PDE4D: variants seen among roughly 807,000 people sequenced by gnomAD.
PDE4D encodes 3',5'-cyclic-AMP phosphodiesterase 4D.
A neutral mutation model predicts 87.4 loss-of-function variants in PDE4D; 24 were observed. The ratio of observed to expected loss-of-function variants is 0.27; its 90% CI spans 0.20 to 0.39. PDE4D has a LOEUF of 0.39. PDE4D is among the 10% of genes least tolerant of loss of function. PDE4D has a pLI of 1.00. For missense variants in PDE4D, 714 were observed against 1,041.0 expected (o/e 0.69, Z 4.32); for synonymous variants, 384 against 383.2 (o/e 1.00, Z -0.02).
At chr5:59,090,267 G>A (rs150608372) in intron 5 of PDE4D, among the ~76,000 whole-genome samples, 45 of 152,252 alleles carry the variant, frequency 3.0e-4, no homozygotes, top group Non-Finnish European at 6.0e-4. Context: ...GTGATCAGTT[G>A]ATGAATACAC....
Position 60,039,242 on chromosome 5 carries a change from C to G in PDE4D, c.43-50525G>C, listed in dbSNP as rs941551708. Among the ~76,000 whole-genome samples the G allele has an allele frequency of 3.3e-5, 5 of 152,076 alleles. No individual in the cohort carries two copies. The South Asian group carries it at 6.2e-4, about 19-fold the overall frequency. On this transcript the variant is annotated intron_variant, in intron 2 of 16. Coordinates refer to the PDE4D transcript ENST00000502484. ...GAAAATGTGGCACATATACACCATG[C>G]AATACTATGCAGCCATAAAAAAATG...
intron 1 of PDE4D, among the ~76,000 whole-genome samples, chr5:60,201,526 A>G (rs1741905321): frequency 6.6e-6 from 1 of 152,178 alleles, no homozygotes. Context: ...TGAATTATTT[A>G]CCTAATTATT....
chr5:59,732,899 T>TTAAGCGACTTTCACATGGA, intron 1 of PDE4D, among the ~76,000 whole-genome samples: 1 of 151,644 alleles, frequency 6.6e-6, no homozygotes, highest in African/African-American at 2.4e-5. Context: ...TTAATATTTA[T>TTAAGCGACTTTCACATGGA]TAAGTGACTT....
At chr5:59,798,543 A>C (rs1477228942) in intron 1 of PDE4D, among the ~76,000 whole-genome samples, 1 of 152,120 alleles carries the variant, frequency 6.6e-6, no homozygotes, top group East Asian at 1.9e-4. Context: ...AGTTCCTATA[A>C]GCAATTTTTG....
At chr5:59,345,321 C>T (rs2153583692) in intron 1 of PDE4D, among the ~76,000 whole-genome samples, 1 of 152,168 alleles carries the variant, frequency 6.6e-6, no homozygotes, top group Admixed American at 6.5e-5. Context: ...GGATATATAG[C>T]AAGAACTCAA....
At position 60,425,482 on chromosome 5, in the gene PDE4D, G is replaced by T. The variant is rs999966960; in HGVS notation, c.-90+62460C>A. On this transcript the variant is annotated intron_variant, in intron 1 of 16. Transcript: ENST00000502484. ...TGCTGGGAAAACTGGCTAGCCATAT[G>T]TAGAAAGCTGAAACTGGATCCCTTC... 1.3e-5 allele frequency among the ~76,000 whole-genome samples: 2 copies of T among 152,172 alleles called. 1 individual carries two copies. The highest frequency in any genetic ancestry group is 4.1e-4 in the South Asian group (2 of 4,824).
At chr5:60,261,515 AC>A (rs1020664079) in intron 1 of PDE4D, among the ~76,000 whole-genome samples, 3 of 152,128 alleles carry the variant, frequency 2.0e-5, no homozygotes, top group African/African-American at 7.2e-5. Flanking sequence ...TAATATAAAA[AC>A]AATCACAACA....
chr5:60,128,651 T>C (rs1032866591), intron 2 of PDE4D, among the ~76,000 whole-genome samples: 5 of 152,154 alleles, frequency 3.3e-5, no homozygotes, highest in African/African-American at 9.7e-5. Context: ...ACTTCAATTG[T>C]TTGAGCAACT....
At chr5:59,640,203 A>C (rs188810593) in intron 1 of PDE4D, among the ~76,000 whole-genome samples, 15 of 152,262 alleles carry the variant, frequency 9.9e-5, no homozygotes, top group Admixed American at 2.0e-4. Flanking sequence ...AAGGCACATT[A>C]GTTTTTATTG....
intron 1 of PDE4D, among the ~76,000 whole-genome samples, chr5:59,884,512 A>G (rs1183468728): frequency 6.6e-6 from 1 of 152,020 alleles, no homozygotes. Context: ...ACAGATCTCA[A>G]TACAGATATA....
At chr5:60,443,540 G>A (rs1186965094) in intron 1 of PDE4D, among the ~76,000 whole-genome samples, 3 of 152,126 alleles carry the variant, frequency 2.0e-5, no homozygotes, top group African/African-American at 4.8e-5. Flanking sequence ...AAGAATTTGA[G>A]GAGTGAAATT....
chr5:60,300,565 T>G (rs1183236193), intron 1 of PDE4D, among the ~76,000 whole-genome samples: 3 of 152,110 alleles, frequency 2.0e-5, no homozygotes. Flanking sequence ...TCATCTTGAG[T>G]TAATTTTTGT....
At chr5:60,448,801 C>T (rs555397267) in intron 1 of PDE4D, 99 of 152,180 alleles carry the variant, frequency 6.5e-4, no homozygotes, top group African/African-American at 2.4e-3. Flanking sequence ...TTAATGAAAA[C>T]AATTCAAGCT....
intron 2 of PDE4D, 189 bp downstream of exon 2, chr5:59,215,588 T>C: frequency 1.8e-6 from 1 of 549,688 alleles, no homozygotes. Flanking sequence ...TGTGTGTGTG[T>C]TAATCAAGAG....
intron 5 of PDE4D, among the ~76,000 whole-genome samples, chr5:59,044,064 T>C (rs1254479710): frequency 6.6e-6 from 1 of 152,252 alleles, no homozygotes; most frequent in East Asian, 1.9e-4. Flanking sequence ...CCTTTGGGTA[T>C]ATACCCAGTA....
intron 1 of PDE4D, among the ~76,000 whole-genome samples, chr5:60,190,299 C>T (rs962633377): frequency 4.6e-5 from 7 of 152,348 alleles, no homozygotes; most frequent in African/African-American, 1.7e-4. Context: ...GCCCTCTACA[C>T]ACGTAAGATA....
chr5:59,502,317 T>C (rs1808429369), intron 1 of PDE4D, among the ~76,000 whole-genome samples: 1 of 152,166 alleles, frequency 6.6e-6, no homozygotes, highest in Admixed American at 6.6e-5. Flanking sequence ...GAAAGAGGTC[T>C]GACATTTATG....
intron 3 of PDE4D, among the ~76,000 whole-genome samples, chr5:59,900,592 T>A (rs929655261): frequency 7.2e-5 from 11 of 152,120 alleles, no homozygotes; most frequent in African/African-American, 2.7e-4. Context: ...TGAGTAGATA[T>A]TACCAAATCC....
chr5:60,420,698 T>C (rs978490758), intron 1 of PDE4D, among the ~76,000 whole-genome samples: 8 of 152,220 alleles, frequency 5.3e-5, no homozygotes, highest in Non-Finnish European at 8.8e-5. Context: ...TGGGACTGAT[T>C]GGACAGTGGG....
Sources: gnomAD v4.1 joint callset for allele counts (sites outside exome capture counted in the v4.1 genomes callset) on GRCh38, gnomAD v4.1.1 for gene constraint, MANE v1.5 for transcripts, NCBI Gene and HGNC (gene_info 2026-07-23, HGNC 2026-07-21) for gene names.